SMCHD1: variants seen among roughly 807,000 people sequenced by gnomAD.
SMCHD1 encodes structural maintenance of chromosomes flexible hinge domain containing 1.
In SMCHD1, 78 loss-of-function variants were observed where a neutral mutation model predicts 254.7. That is an observed-to-expected ratio of 0.31 (90% CI 0.26 to 0.37). The LOEUF (loss-of-function observed/expected upper bound fraction) is 0.37. Ranked by LOEUF, SMCHD1 falls within the 10% of genes least tolerant of loss-of-function variation. The pLI is 1.00. For synonymous variants in SMCHD1, 766 were observed against 794.9 expected (o/e 0.96, Z 0.61); for missense variants, 1,840 against 2,408.1 (o/e 0.76, Z 4.94).
intron 45 of SMCHD1, chr18:2,785,095 C>T (rs1360836754): frequency 3.8e-6 from 1 of 264,276 alleles, no homozygotes; most frequent in Admixed American, 5.1e-5. Context: ...ATCTCCTGCC[C>T]CTTTTTCCCT....
intron 47 of SMCHD1, chr18:2,800,911 T>C (rs2076350124): frequency 6.6e-6 from 1 of 152,174 alleles, no homozygotes; most frequent in South Asian, 2.1e-4. Flanking sequence ...GACAATTTAG[T>C]AAAGAGACTA....
Position 2,732,504 on chromosome 18 carries a change from T to G in SMCHD1, c.3276+12T>G. On this transcript the variant is annotated intron_variant, in intron 25 of 47. Transcript: ENST00000320876. ...CAGAAAAAATTAAAGTAAGTATCTC[T>G]AACAGATTGGTTATTTGTAAGAACT... The G allele has an allele frequency of 7.3e-6, 11 of 1,507,906 alleles. No homozygotes were observed. The highest frequency in any genetic ancestry group is 9.1e-6 in the Non-Finnish European group (10 of 1,100,432). 93.4% of individuals were successfully genotyped at this position (1,507,906 alleles called of 1,614,324 possible).
Position 2,750,043 on chromosome 18 carries a change from C to T in SMCHD1, c.3928C>T (p.Leu1310Phe). 1.9e-6 allele frequency: 3 copies of T among 1,556,806 alleles called. No individual in the cohort carries two copies. The highest frequency in any genetic ancestry group is 2.6e-6 in the Non-Finnish European group (3 of 1,149,824). ...CCATTTTGTTTTGTTTTGTTTTTAG[C>T]TCATGCCTTCAAACCAACAGCATAA... ...ISLTKASNLK[L>F]MPSNQQHKTD... is the part of the protein sequence containing the mutation. Residue 1310 changes from leucine (L) to phenylalanine (F), a missense_variant and splice_region_variant, in exon 31 of 48, where the codon CTC becomes TTC. By Grantham distance (22) the Leu-to-Phe change is conservative. Coordinates refer to ENST00000320876, the MANE Select transcript of SMCHD1 (RefSeq NM_015295.3).
At position 2,718,344 on chromosome 18, in the gene SMCHD1, T is replaced by C; in HGVS notation, c.2368T>C (p.Leu790=). 6.2e-7 allele frequency: 1 copy of C among 1,611,704 alleles called. No individual in the cohort carries two copies. The highest frequency in any genetic ancestry group is 8.5e-7 in the Non-Finnish European group (1 of 1,178,256). ...TATTCAGAAGTTGGGGAATTATACC[T>C]TGAAATTACAAGTTGTGTTGAATGA... ...ENIQKLGNYT[L]KLQVVLNESN... is the part of the protein sequence containing the mutation. Residue 790 remains leucine (L), a synonymous_variant, in exon 19 of 48, where the codon TTG becomes CTG. Coordinates refer to ENST00000320876, the MANE Select transcript of SMCHD1 (RefSeq NM_015295.3). This position sits in a 1 kb window ranked among gnomAD's most constrained non-coding sequence, Gnocchi z 4.6.
chr18:2,690,695 A>T (rs1030169851), intron 7 of SMCHD1, among the ~76,000 whole-genome samples: 3 of 145,824 alleles, frequency 2.1e-5, no homozygotes, highest in African/African-American at 7.6e-5. Context: ...TGTTGGCCAG[A>T]CTGGTCTCAA....
intron 29 of SMCHD1, among the ~76,000 whole-genome samples, chr18:2,746,095 G>A (rs2075449436): frequency 6.6e-6 from 1 of 152,224 alleles, no homozygotes; most frequent in Admixed American, 6.5e-5. Flanking sequence ...GACCAAGGTG[G>A]AGGAATTGCT....
chr18:2,751,158 A>G (rs2075563421), intron 32 of SMCHD1, 120 bp from the exon 33 acceptor site: 5 of 579,916 alleles, frequency 8.6e-6, no homozygotes, highest in Non-Finnish European at 1.5e-5. Flanking sequence ...TTGTATTAAC[A>G]TTTAAATAAC....
intron 44 of SMCHD1, among the ~76,000 whole-genome samples, chr18:2,779,434 G>A (rs1378770479): frequency 6.6e-6 from 1 of 152,172 alleles, no homozygotes; most frequent in Non-Finnish European, 1.5e-5. Context: ...CTTTTGTCTA[G>A]CTAAGAGGAT....
chr18:2,662,905 T>TA (rs2073335841), intron 1 of SMCHD1, among the ~76,000 whole-genome samples: 1 of 152,174 alleles, frequency 6.6e-6, no homozygotes, highest in South Asian at 2.1e-4. Flanking sequence ...CCAAATTAAT[T>TA]ACTTTCTTTA....
intron 44 of SMCHD1, among the ~76,000 whole-genome samples, chr18:2,780,499 A>T (rs188668264): frequency 1.3e-5 from 2 of 152,322 alleles, no homozygotes; most frequent in Admixed American, 1.3e-4. Context: ...TACCCATTAA[A>T]TGTTATGATA....
chr18:2,755,422 A>C (rs2075654256), intron 34 of SMCHD1, among the ~76,000 whole-genome samples: 1 of 151,916 alleles, frequency 6.6e-6, no homozygotes, highest in South Asian at 2.1e-4. Context: ...CAGCCTCCCA[A>C]AGTGCTGGGA....
chr18:2,770,196 T>A, intron 39 of SMCHD1, 88 bp downstream of exon 39: 1 of 1,346,446 alleles, frequency 7.4e-7, no homozygotes, highest in Non-Finnish European at 1.0e-6. Flanking sequence ...GCTTCCACTT[T>A]CCTAAATTAC....
At chr18:2,709,333 A>G (rs78651383) in intron 17 of SMCHD1, among the ~76,000 whole-genome samples, 4,748 of 148,804 alleles carry the variant, frequency 0.032, 245 homozygotes, top group African/African-American at 0.11. Context: ...CCTGTTGTCT[A>G]TCGTGAAGAA....
At chr18:2,757,672 GTA>G (rs2075706899) in intron 34 of SMCHD1, among the ~76,000 whole-genome samples, 1 of 151,606 alleles carries the variant, frequency 6.6e-6, no homozygotes, top group Non-Finnish European at 1.5e-5. Flanking sequence ...GTCAATTTTT[GTA>G]TATGTTCCAA....
chr18:2,788,724 C>G (rs1365629880), intron 45 of SMCHD1, among the ~76,000 whole-genome samples: 1 of 151,966 alleles, frequency 6.6e-6, no homozygotes, highest in African/African-American at 2.4e-5. Flanking sequence ...TTCAGCCTCC[C>G]AAGTGCTGGG....
chr18:2,750,931 G>A (rs994073881), intron 32 of SMCHD1, among the ~76,000 whole-genome samples: 1 of 151,998 alleles, frequency 6.6e-6, no homozygotes, highest in Non-Finnish European at 1.5e-5. Flanking sequence ...GGTGCCAAAT[G>A]AATGTTACAG....
rs750552383 is a variant in SMCHD1 at position 2,705,816 on chromosome 18, G to A, written c.1956+9G>A. ...AGGTTCAAATTGCAATGGTAAGACA[G>A]CAAGTGATAAAACATACTGAAAGTT... On this transcript the variant is annotated intron_variant, in intron 14 of 47. Coordinates refer to ENST00000320876, the MANE Select transcript of SMCHD1 (RefSeq NM_015295.3). The A allele has an allele frequency of 7.4e-6, 11 of 1,482,290 alleles. No homozygotes were observed. The South Asian group carries it at 1.3e-4, about 17-fold the overall frequency. The allele number at this position is 1,482,290 out of a possible 1,614,324, so 91.8% of individuals were successfully genotyped here.
intron 6 of SMCHD1, 54 bp downstream of exon 6, chr18:2,688,562 A>G: frequency 6.3e-7 from 1 of 1,588,470 alleles, no homozygotes; most frequent in Non-Finnish European, 8.6e-7. Context: ...TTTGAAGTTG[A>G]CTCTGTCTAA....
At chr18:2,663,917 G>T (rs991608065) in intron 1 of SMCHD1, among the ~76,000 whole-genome samples, 3 of 151,932 alleles carry the variant, frequency 2.0e-5, no homozygotes, top group Non-Finnish European at 4.4e-5. Context: ...GGGTTTCACC[G>T]TGTTAGCCAG....
Sources: allele counts gnomAD v4.1 joint callset (sites outside exome capture counted in the v4.1 genomes callset), GRCh38; gene constraint gnomAD v4.1.1; non-coding constraint Gnocchi (gnomAD v3.1); transcripts MANE v1.5; gene names NCBI Gene and HGNC (gene_info 2026-07-23, HGNC 2026-07-21).